The following UTRN variants were observed in gnomAD, a reference collection of about 807,000 sequenced individuals.
The protein encoded by UTRN is utrophin.
In UTRN, 283 loss-of-function variants were observed where a neutral mutation model predicts 463.9. That is an observed-to-expected ratio of 0.61 (90% CI 0.55 to 0.67). The LOEUF (loss-of-function observed/expected upper bound fraction) is 0.67, where lower values mean the gene tolerates loss of function less well. UTRN is among the 30% of genes least tolerant of loss of function. The pLI is 0.00. For synonymous variants in UTRN, 1,442 were observed against 1,431.5 expected, an observed-to-expected ratio of 1.01 and a Z score of -0.17; for missense variants, 3,922 against 4,084.3, an observed-to-expected ratio of 0.96 and a Z score of 1.08.
At chr6:144,622,603 AT>A (rs1775544266) in intron 51 of UTRN, among the ~76,000 whole-genome samples, 1 of 152,204 alleles carries the variant, frequency 6.6e-6, no homozygotes, top group South Asian at 2.1e-4. Flanking sequence ...TTGGTTTACT[AT>A]TTTAGATGGA....
intron 51 of UTRN, among the ~76,000 whole-genome samples, chr6:144,596,690 A>G (rs1157594178): frequency 6.6e-6 from 1 of 152,202 alleles, no homozygotes; most frequent in Non-Finnish European, 1.5e-5. Context: ...ACATATGGTA[A>G]CATCTTAACA....
chr6:144,558,156 A>G (rs1364582220), intron 50 of UTRN, among the ~76,000 whole-genome samples: 1 of 152,208 alleles, frequency 6.6e-6, no homozygotes, highest in African/African-American at 2.4e-5. Flanking sequence ...CTAATAAAGT[A>G]TGGCTAAGCA....
At chr6:144,356,289 A>G (rs955544201) in intron 2 of UTRN, among the ~76,000 whole-genome samples, 4 of 152,240 alleles carry the variant, frequency 2.6e-5, no homozygotes, top group Admixed American at 6.5e-5. Flanking sequence ...CTGCTGTTCA[A>G]GTAATCAGAA....
intron 65 of UTRN, among the ~76,000 whole-genome samples, chr6:144,819,451 T>C (rs987841266): frequency 7.2e-5 from 11 of 152,090 alleles, no homozygotes. Context: ...TCCCAGCACT[T>C]TGGGAATCTG....
intron 53 of UTRN, among the ~76,000 whole-genome samples, chr6:144,714,463 T>A (rs1471090313): frequency 6.6e-6 from 1 of 152,210 alleles, no homozygotes; most frequent in Non-Finnish European, 1.5e-5. Flanking sequence ...TCAGCTACCC[T>A]GCATTTAGGG....
chr6:144,528,397 T>G (rs1796748759), intron 41 of UTRN, among the ~76,000 whole-genome samples: 1 of 152,192 alleles, frequency 6.6e-6, no homozygotes, highest in African/African-American at 2.4e-5. Context: ...TAATTGTTTT[T>G]CTGGTTTCTT....
intron 46 of UTRN, among the ~76,000 whole-genome samples, chr6:144,546,813 AAAAAAC>A (rs1306266446): frequency 6.7e-6 from 1 of 149,164 alleles, no homozygotes; most frequent in African/African-American, 2.6e-5. Flanking sequence ...TATCTCAAAG[AAAAAAC>A]AAACAAACAA....
At chr6:144,427,903 G>A (rs976146643) in intron 7 of UTRN, among the ~76,000 whole-genome samples, 2 of 152,168 alleles carry the variant, frequency 1.3e-5, no homozygotes, top group Non-Finnish European at 2.9e-5. Flanking sequence ...CAATAATAAA[G>A]TTGTGTAGTA....
At chr6:144,384,066 A>G (rs1781181174) in intron 2 of UTRN, among the ~76,000 whole-genome samples, 1 of 152,228 alleles carries the variant, frequency 6.6e-6, no homozygotes, top group South Asian at 2.1e-4. Flanking sequence ...TTATTTCAGT[A>G]AAATACAGAT....
chr6:144,836,450 A>G lies in UTRN; in HGVS notation c.9974A>G (p.Lys3325Arg). 6.2e-7 allele frequency: 1 copy of G among 1,614,068 alleles called. No homozygotes were observed. The highest frequency in any genetic ancestry group is 1.3e-5 in the African/African-American group (1 of 75,040). ...GAAGCAAAACTCCTCAGGCAGCACAAAGGTCGGCTGGAGGCTAGGATGCAG... is the reference window on the plus strand; with the variant it reads ...GAAGCAAAACTCCTCAGGCAGCACAGAGGTCGGCTGGAGGCTAGGATGCAG... The part of the protein sequence containing the change: ...IAEAKLLRQH[K>R]GRLEARMQIL... The change falls in exon 71 of 75, where the codon AAA (lysine) becomes AGA (arginine). Residue 3325 changes from lysine (K) to arginine (R), a missense_variant. Physicochemically the swap from Lys to Arg is conservative, Grantham distance 26. Coordinates refer to ENST00000367545, the MANE Select transcript of UTRN (RefSeq NM_007124.3).
At chr6:144,720,648 T>A (rs1313054210) in intron 53 of UTRN, among the ~76,000 whole-genome samples, 1 of 152,244 alleles carries the variant, frequency 6.6e-6, no homozygotes, top group Non-Finnish European at 1.5e-5. Context: ...GGACAAGCCA[T>A]GAGAGACTAC....
At chr6:144,343,405 C>T (rs1777300940) in intron 2 of UTRN, among the ~76,000 whole-genome samples, 1 of 140,050 alleles carries the variant, frequency 7.1e-6, no homozygotes, top group Non-Finnish European at 1.5e-5. Flanking sequence ...CACACACACA[C>T]ACACAATAGC....
At chr6:144,456,687 AATAAT>A (rs1037840072) in intron 19 of UTRN, among the ~76,000 whole-genome samples, 5 of 147,360 alleles carry the variant, frequency 3.4e-5, no homozygotes, top group African/African-American at 7.5e-5. Context: ...TAATAATAAT[AATAAT>A]AATAAATAAA....
At chr6:144,451,568 CATT>C (rs1490779184) in intron 18 of UTRN, 75 bp downstream of exon 18, 1 of 1,475,628 alleles carries the variant, frequency 6.8e-7, no homozygotes, top group Non-Finnish European at 9.0e-7. Context: ...GGCATAAAGA[CATT>C]ATGGAATTCA....
At chr6:144,453,749 T>C in intron 18 of UTRN, 33 bp from the exon 19 acceptor site, 1 of 1,576,480 alleles carries the variant, frequency 6.3e-7, no homozygotes, top group Non-Finnish European at 8.7e-7. Flanking sequence ...GAAGAAAGTT[T>C]GCAATATTCT....
At chr6:144,700,035 G>A (rs1419011635) in intron 52 of UTRN, 52 bp from the exon 53 acceptor site, 16 of 1,506,128 alleles carry the variant, frequency 1.1e-5, no homozygotes, top group Non-Finnish European at 1.3e-5. Flanking sequence ...TTTTGTGAAT[G>A]TAATTTGCAT....
intron 51 of UTRN, among the ~76,000 whole-genome samples, chr6:144,587,342 G>A (rs909358166): frequency 1.3e-5 from 2 of 152,154 alleles, no homozygotes; most frequent in African/African-American, 2.4e-5. Context: ...GGGAAGTCAC[G>A]ATTGACCAGT....
chr6:144,295,799 A>G (rs1197247752), intron 2 of UTRN, among the ~76,000 whole-genome samples: 1 of 152,160 alleles, frequency 6.6e-6, no homozygotes, highest in Non-Finnish European at 1.5e-5. Flanking sequence ...TAATCCTCAC[A>G]ACCGCCATTT....
intron 23 of UTRN, among the ~76,000 whole-genome samples, chr6:144,469,747 G>C (rs1047319416): frequency 7.4e-6 from 1 of 135,914 alleles, no homozygotes; most frequent in Non-Finnish European, 1.5e-5. Context: ...GTGTTTCTCG[G>C]AGAGGGGGAT....
Sources: gnomAD v4.1 joint callset for allele counts (sites outside exome capture counted in the v4.1 genomes callset) on GRCh38, gnomAD v4.1.1 for gene constraint, MANE v1.5 for transcripts, NCBI Gene and HGNC (gene_info 2026-07-23, HGNC 2026-07-21) for gene names.